The following TRAK1 variants were observed in gnomAD, a reference collection of about 807,000 sequenced individuals.
The protein encoded by TRAK1 is trafficking kinesin protein 1.
Under a neutral mutation model 92.1 loss-of-function variants are expected in TRAK1, and 33 were observed. The ratio of observed to expected loss-of-function variants is 0.36; its 90% confidence interval spans 0.27 to 0.48. The LOEUF (loss-of-function observed/expected upper bound fraction) is 0.48, where lower values mean the gene tolerates loss of function less well. TRAK1 is among the 20% of genes least tolerant of loss of function. The probability of loss-of-function intolerance (pLI) is 0.99; values close to 1 mark genes in which losing one functional copy is unlikely to be tolerated. For missense variants in TRAK1, 1,123 were observed against 1,257.9 expected (o/e 0.89, Z 1.62); for synonymous variants, 521 against 517.3 (o/e 1.01, Z -0.10).
At chr3:42,132,394 T>C (rs1362447021) in intron 2 of TRAK1, among the ~76,000 whole-genome samples, 2 of 151,402 alleles carry the variant, frequency 1.3e-5, no homozygotes, top group Non-Finnish European at 1.5e-5. Context: ...CCCCCAGTAG[T>C]TGGGACTACA....
At chr3:42,091,588 T>C (rs1157007531) in intron 1 of TRAK1, 28 bp downstream of exon 1, 5 of 1,601,738 alleles carry the variant, frequency 3.1e-6, no homozygotes, top group Non-Finnish European at 4.3e-6. Flanking sequence ...GTCTGTCTGC[T>C]GTCTGTTTTC....
chr3:42,027,058 CCTA>C (rs1477432978), intron 1 of TRAK1, among the ~76,000 whole-genome samples: 1 of 152,050 alleles, frequency 6.6e-6, no homozygotes, highest in Non-Finnish European at 1.5e-5. Flanking sequence ...ATAGTTGTTT[CCTA>C]CTGTTTATTT....
intron 1 of TRAK1, among the ~76,000 whole-genome samples, chr3:42,067,776 A>G (rs1703740358): frequency 6.8e-6 from 1 of 146,824 alleles, no homozygotes; most frequent in Non-Finnish European, 1.5e-5. Flanking sequence ...GTTGATATTG[A>G]TATGTTTGTA....
chr3:42,091,476 T>C lies in TRAK1; in HGVS notation c.7T>C (p.Leu3=), dbSNP rs757571835. 6.2e-7 allele frequency: 1 copy of C among 1,613,644 alleles called. No individual in the cohort carries two copies. ...TTGGAGTTTATGTCTGCACATGGCATTGGTTTTTCAATTCGGGCAGCCCGT... is the reference window on the plus strand; with the variant it reads ...TTGGAGTTTATGTCTGCACATGGCACTGGTTTTTCAATTCGGGCAGCCCGT... MA[L]VFQFGQPVRA... is the part of the protein sequence containing the mutation. Residue 3 remains leucine (L), a synonymous_variant, in exon 1 of 16, where the codon TTG becomes CTG. Coordinates refer to ENST00000327628, the MANE Select transcript of TRAK1 (RefSeq NM_001042646.3).
intron 2 of TRAK1, among the ~76,000 whole-genome samples, chr3:42,130,279 G>A (rs1020985726): frequency 6.7e-6 from 1 of 149,232 alleles, no homozygotes; most frequent in Non-Finnish European, 1.5e-5. Flanking sequence ...TCCAGGGGCT[G>A]TTCTATGTAA....
chr3:42,044,991 G>A (rs931156406), intron 1 of TRAK1, among the ~76,000 whole-genome samples: 36 of 152,216 alleles, frequency 2.4e-4, no homozygotes, highest in African/African-American at 8.7e-4. Flanking sequence ...TCCTAATCAG[G>A]AAATTGGATG....
intron 1 of TRAK1, among the ~76,000 whole-genome samples, chr3:42,039,130 C>T (rs1006535787): frequency 6.6e-6 from 1 of 152,136 alleles, no homozygotes; most frequent in African/African-American, 2.4e-5. Flanking sequence ...AATCTGTTTT[C>T]TGTCCCTGGA....
intron 1 of TRAK1, among the ~76,000 whole-genome samples, chr3:42,105,516 A>G (rs1030550987): frequency 4.6e-5 from 7 of 152,228 alleles, no homozygotes; most frequent in Non-Finnish European, 8.8e-5. Context: ...ATATGGGACT[A>G]TGTGAAAAGA....
chr3:42,217,921 GAGAA>G, intron 14 of TRAK1: 1 of 985,142 alleles, frequency 1.0e-6, no homozygotes, highest in Non-Finnish European at 1.2e-6. Context: ...TTCACTGATT[GAGAA>G]AGATTCATAA....
At chr3:42,169,434 A>G (rs1176262679) in intron 2 of TRAK1, among the ~76,000 whole-genome samples, 2 of 152,120 alleles carry the variant, frequency 1.3e-5, no homozygotes, top group East Asian at 1.9e-4. Flanking sequence ...TTGTGTGTGC[A>G]TATATGGTTC....
At chr3:42,107,038 A>T (rs1053763447) in intron 1 of TRAK1, among the ~76,000 whole-genome samples, 1 of 152,218 alleles carries the variant, frequency 6.6e-6, no homozygotes, top group African/African-American at 2.4e-5. Context: ...CTTGATTGCC[A>T]GCTAACTTTG....
In TRAK1 at chr3:42,223,224, G is replaced by A. The variant is rs371605989; in HGVS notation, c.2349G>A (p.Pro783=). Residue 783 remains proline, a synonymous_variant, in exon 16 of 16, where the codon CCG becomes CCA. Coordinates refer to ENST00000327628, the MANE Select transcript of TRAK1 (RefSeq NM_001042646.3). The surrounding 1 kb of genome is among the most constrained non-coding windows in gnomAD (Gnocchi z 6.1). The part of the protein sequence containing the change: ...PKMAVIPSTP[P]NSPMQTPTSS... ...TGGCTGTGATCCCCTCTACTCCGCCGAACTCGCCTATGCAGACACCCACAT... is the reference window on the plus strand; with the variant it reads ...TGGCTGTGATCCCCTCTACTCCGCCAAACTCGCCTATGCAGACACCCACAT... The A allele has an allele frequency of 3.8e-5, 61 of 1,613,982 alleles. No individual in the cohort carries two copies. In the Middle Eastern group the frequency reaches 2.1e-3, roughly 57 times the overall value.
intron 1 of TRAK1, among the ~76,000 whole-genome samples, chr3:42,116,991 C>T (rs55874108): frequency 0.49 from 74,050 of 151,216 alleles, 18,224 homozygotes; most frequent in South Asian, 0.6. Flanking sequence ...TTTAATCTGG[C>T]CCTCAGTATT....
At chr3:42,025,959 CT>C (rs1202431472) in intron 1 of TRAK1, among the ~76,000 whole-genome samples, 1 of 152,048 alleles carries the variant, frequency 6.6e-6, no homozygotes, top group Non-Finnish European at 1.5e-5. Context: ...TTCCCATGAA[CT>C]TTTTTCTTTT....
intron 2 of TRAK1, among the ~76,000 whole-genome samples, chr3:42,173,610 C>T (rs756464242): frequency 2.0e-4 from 30 of 152,254 alleles, no homozygotes; most frequent in Non-Finnish European, 4.1e-4. Context: ...TCCTACACAT[C>T]GATGGTTTGT....
chr3:42,160,871 T>C (rs1701201113), intron 2 of TRAK1, among the ~76,000 whole-genome samples: 4 of 152,190 alleles, frequency 2.6e-5, no homozygotes, highest in Admixed American at 2.6e-4. Context: ...CTAATATCAC[T>C]AATTTTTTTT....
At chr3:42,110,132 A>ATATATATATATATATATATATATATAT (rs58099544) in intron 1 of TRAK1, among the ~76,000 whole-genome samples, 6 of 128,210 alleles carry the variant, frequency 4.7e-5, no homozygotes, top group South Asian at 2.6e-4. Context: ...ATATATATAT[A>ATATATATATATATATATATATATATAT]AACTTTGTGT....
intron 1 of TRAK1, among the ~76,000 whole-genome samples, chr3:42,023,840 GTC>G (rs1388433204): frequency 7.3e-6 from 1 of 137,488 alleles, no homozygotes; most frequent in Non-Finnish European, 1.5e-5. Flanking sequence ...TGCAGCCTCC[GTC>G]TCCCGGGTTC....
At chr3:42,059,077 G>A (rs6766481) in intron 1 of TRAK1, among the ~76,000 whole-genome samples, 9,194 of 151,912 alleles carry the variant, frequency 0.061, 975 homozygotes, top group African/African-American at 0.21. Context: ...ATATAAGTAG[G>A]CTTTGGACTT....
Sources: allele counts gnomAD v4.1 joint callset (sites outside exome capture counted in the v4.1 genomes callset), GRCh38; gene constraint gnomAD v4.1.1; non-coding constraint Gnocchi (gnomAD v3.1); transcripts MANE v1.5; gene names NCBI Gene and HGNC (gene_info 2026-07-23, HGNC 2026-07-21).